The following ABCB8 variants were observed in gnomAD, a reference collection of about 807,000 sequenced individuals.
ABCB8 encodes ATP binding cassette subfamily B member 8.
Under a neutral mutation model 73.0 loss-of-function variants are expected in ABCB8, and 52 were observed. That is an observed-to-expected ratio of 0.71 (90% CI 0.57 to 0.90). The LOEUF is 0.90. ABCB8 is among the 40% of genes least tolerant of loss of function. ABCB8 has a pLI of 0.00. For synonymous variants in ABCB8, 428 were observed against 423.5 expected, an observed-to-expected ratio of 1.01 and a Z score of -0.13; for missense variants, 909 against 974.6, an observed-to-expected ratio of 0.93 and a Z score of 0.90.
intron 11 of ABCB8, 34 bp from the exon 12 acceptor site, chr7:151,040,794 C>T: frequency 6.3e-7 from 1 of 1,587,202 alleles, no homozygotes; most frequent in Non-Finnish European, 8.6e-7. Context: ...GGCTGGGAGC[C>T]TGGTCTGACT....
rs367544227 is a variant in ABCB8, at chr7:151,028,455, G to A, written c.-61G>A. On this transcript the variant is annotated 5_prime_UTR_variant, in exon 1 of 16. Coordinates refer to ENST00000358849, the MANE Select transcript of ABCB8 (RefSeq NM_007188.5). ...GGATGGGGGCGGGAGCCAACATAGAGCCCTCAGTGGGATGAGGGTGAAACT... is the reference window on the plus strand; with the variant it reads ...GGATGGGGGCGGGAGCCAACATAGAACCCTCAGTGGGATGAGGGTGAAACT... 6.5e-6 allele frequency: 10 copies of A among 1,549,362 alleles called. No individual in the cohort carries two copies. Among genetic ancestry groups the A allele is most frequent in the African/African-American group, 2.7e-5 (2 of 73,194 alleles).
At chr7:151,041,319 C>G in intron 13 of ABCB8, 87 bp downstream of exon 13, 3 of 1,443,448 alleles carry the variant, frequency 2.1e-6, no homozygotes, top group Non-Finnish European at 2.7e-6. Context: ...CCTTTTCTTT[C>G]TTTCCCACCC....
At chr7:151,033,079 T>G (rs1466993926) in intron 1 of ABCB8, 1 of 456,904 alleles carries the variant, frequency 2.2e-6, no homozygotes, top group South Asian at 1.5e-5. Context: ...TAATGGCACC[T>G]CCCTCCCAGG....
chr7:151,028,676 G>A (rs779693625), intron 1 of ABCB8, 66 bp downstream of exon 1: 3 of 1,576,456 alleles, frequency 1.9e-6, no homozygotes, highest in Non-Finnish European at 2.6e-6. Context: ...CCGGCCCGCC[G>A]GGAGATGGAG....
chr7:151,029,146 C>A (rs909886785), intron 1 of ABCB8: 1 of 401,830 alleles, frequency 2.5e-6, no homozygotes, highest in Non-Finnish European at 3.6e-6. Flanking sequence ...CTAAAAAATA[C>A]AAAAATTTGC....
chr7:151,030,907 T>C (rs973746151), intron 1 of ABCB8, among the ~76,000 whole-genome samples: 22 of 152,222 alleles, frequency 1.4e-4, no homozygotes, highest in African/African-American at 4.8e-4. Flanking sequence ...ACCACTGCTC[T>C]CCAGCCGGGG....
At chr7:151,037,693 A>C (rs1198822060) in intron 9 of ABCB8, 10 of 317,176 alleles carry the variant, frequency 3.2e-5, no homozygotes, top group Middle Eastern at 2.1e-3. Context: ...ACCCCATTCT[A>C]CTGAGGCATG....
chr7:151,045,650 C>T lies in ABCB8; in HGVS notation c.*301C>T, dbSNP rs761233153. 2 of 314,738 alleles carry T rather than the reference C, an allele frequency of 6.4e-6. No individual in the cohort carries two copies. Among genetic ancestry groups the T allele is most frequent in the Non-Finnish European group, 1.2e-5 (2 of 173,284 alleles). 19.5% of individuals were successfully genotyped at this position (314,738 alleles called of 1,614,324 possible). On this transcript the variant is annotated 3_prime_UTR_variant, in exon 16 of 16. Transcript: ENST00000358849. ...CACTCTATTCTCCCTTTGCCCAGACCCCTCCAGACCTCTCAAGAGACGTTC... is the reference window on the plus strand; with the variant it reads ...CACTCTATTCTCCCTTTGCCCAGACTCCTCCAGACCTCTCAAGAGACGTTC...
intron 12 of ABCB8, 54 bp downstream of exon 12, chr7:151,040,976 A>T: frequency 6.2e-7 from 1 of 1,604,052 alleles, no homozygotes; most frequent in Non-Finnish European, 8.5e-7. Context: ...GCAGCCACTC[A>T]GAGCAAGGCC....
chr7:151,031,993 G>A (rs1176038915), intron 1 of ABCB8, among the ~76,000 whole-genome samples: 2 of 152,120 alleles, frequency 1.3e-5, no homozygotes, highest in African/African-American at 4.8e-5. Context: ...TGCCCCCCAA[G>A]TCCAGGAGCT....
intron 13 of ABCB8, among the ~76,000 whole-genome samples, chr7:151,041,590 C>G (rs1372783646): frequency 6.6e-6 from 1 of 152,196 alleles, no homozygotes; most frequent in Non-Finnish European, 1.5e-5. Flanking sequence ...GTGGCACTGC[C>G]CAGCGAGGGT....
intron 9 of ABCB8, chr7:151,037,358 C>T: frequency 2.8e-6 from 2 of 702,030 alleles, no homozygotes; most frequent in Non-Finnish European, 5.2e-6. Flanking sequence ...CCTGCCACTT[C>T]CAGGGATGAC....
At chr7:151,030,924 A>G (rs987416688) in intron 1 of ABCB8, among the ~76,000 whole-genome samples, 1 of 152,006 alleles carries the variant, frequency 6.6e-6, no homozygotes, top group African/African-American at 2.4e-5. Flanking sequence ...GGGGCAAAAG[A>G]GTGAGACCCT....
intron 9 of ABCB8, chr7:151,037,435 C>T: frequency 1.5e-6 from 1 of 665,576 alleles, no homozygotes; most frequent in Admixed American, 2.1e-5. Flanking sequence ...CCAAAACCAC[C>T]CGCTCAGCTG....
intron 14 of ABCB8, 132 bp from the exon 15 acceptor site, chr7:151,043,839 G>C (rs1376799776): frequency 1.5e-6 from 2 of 1,312,082 alleles, no homozygotes; most frequent in African/African-American, 2.9e-5. Context: ...GTCAGAGGCA[G>C]GAGGAGGGTG....
intron 1 of ABCB8, chr7:151,033,341 TG>T: frequency 8.2e-7 from 1 of 1,220,744 alleles, no homozygotes; most frequent in Non-Finnish European, 1.1e-6. Context: ...CCTGGCTGGC[TG>T]GGTGTTGCCT....
At position 151,035,609 on chromosome 7, in the gene ABCB8, G is replaced by A. The variant is rs989154240; in HGVS notation, c.794G>A (p.Gly265Asp). The change falls in exon 6 of 16, where the codon GGC (glycine) becomes GAC (aspartate). Residue 265 changes from glycine (G) to aspartate (D), a missense_variant. Gly to Asp is a moderately conservative substitution (Grantham distance 94). Coordinates refer to ENST00000358849, the MANE Select transcript of ABCB8 (RefSeq NM_007188.5). The part of the protein sequence containing the change: ...QGLRSCTQVA[G>D]CLVSLSMLST... ...CTGCGAAGCTGCACCCAGGTGGCAG[G>A]CTGCCTGGTGTCCCTGTCCATGCTG... 1 of 1,602,026 alleles carries A rather than the reference G, an allele frequency of 6.2e-7. No individual in the cohort carries two copies. Among genetic ancestry groups the A allele is most frequent in the Non-Finnish European group, 8.5e-7 (1 of 1,170,772 alleles).
chr7:151,036,632 C>T lies in ABCB8; in HGVS notation c.1200C>T (p.Ala400=). 7 of 1,611,036 alleles carry T rather than the reference C, an allele frequency of 4.3e-6. No individual in the cohort carries two copies. Among genetic ancestry groups the T allele is most frequent in the Non-Finnish European group, 5.9e-6 (7 of 1,178,352 alleles). ...TGGDLMSFLV[A]SQTVQRSMAN... ...GAGACCTCATGTCCTTCCTGGTGGC[C>T]TCCCAGACAGTGCAAAGGTAAGTGG... Residue 400 remains alanine (A), a synonymous_variant, in exon 9 of 16, where the codon GCC becomes GCT. Coordinates refer to ENST00000358849, the MANE Select transcript of ABCB8 (RefSeq NM_007188.5).
At position 151,040,871 on chromosome 7, in the gene ABCB8, C is replaced by T. The variant is rs1162055568; in HGVS notation, c.1432C>T (p.Leu478=). 1 of 1,605,266 alleles carries T rather than the reference C, an allele frequency of 6.2e-7. No individual in the cohort carries two copies. Among genetic ancestry groups the T allele is most frequent in the Non-Finnish European group, 8.5e-7 (1 of 1,176,352 alleles). ...PGFEVLKDFT[L]TLPPGKIVAL... is the part of the protein sequence containing the mutation. The stretch of plus-strand genomic sequence containing the variant: ...CTTCGAGGTGCTGAAAGACTTCACC[C>T]TGACGCTGCCCCCTGGCAAGATCGT... The change falls in exon 12 of 16, where the codon CTG becomes TTG. Residue 478 remains leucine, a synonymous_variant. Transcript: ENST00000358849.
Sources: allele counts gnomAD v4.1 joint callset (sites outside exome capture counted in the v4.1 genomes callset), GRCh38; gene constraint gnomAD v4.1.1; transcripts MANE v1.5; gene names NCBI Gene and HGNC (gene_info 2026-07-23, HGNC 2026-07-21).